The following TAFA1 variants were observed in gnomAD, a reference collection of about 807,000 sequenced individuals.
The protein encoded by TAFA1 is chemokine-like protein TAFA-1.
Under a neutral mutation model 18.5 loss-of-function variants are expected in TAFA1, and 4 were observed. That is an observed-to-expected ratio of 0.22 (90% CI 0.11 to 0.49). TAFA1 has a LOEUF of 0.49. TAFA1 is among the 20% of genes least tolerant of loss of function. The pLI is 0.98. For synonymous variants in TAFA1, 56 were observed against 55.2 expected (o/e 1.01, Z -0.06); for missense variants, 147 against 169.0 (o/e 0.87, Z 0.72).
chr3:68,083,962 T>C (rs1208988801), intron 2 of TAFA1, among the ~76,000 whole-genome samples: 1 of 152,222 alleles, frequency 6.6e-6, no homozygotes, highest in Non-Finnish European at 1.5e-5. Context: ...CAAAGACTCT[T>C]CTTTCCATAT....
rs188784908 is a variant in TAFA1 at position 68,175,472 on chromosome 3, G to T, written c.118+168728G>T. On this transcript the variant is annotated intron_variant, in intron 2 of 4. Transcript: ENST00000478136. Reference sequence around the variant, plus strand: ...CTATGGGAACCCACCTCTTGCATCAGTGTGACCTGCATGTGAGACATGGAT... The same window carrying T: ...CTATGGGAACCCACCTCTTGCATCATTGTGACCTGCATGTGAGACATGGAT... Among the ~76,000 whole-genome samples the T allele has an allele frequency of 1.8e-4, 27 of 152,330 alleles. 1 individual carries two copies. The highest frequency in any genetic ancestry group is 6.0e-4 in the African/African-American group (25 of 41,592).
At chr3:68,471,553 G>A (rs750725817) in intron 3 of TAFA1, among the ~76,000 whole-genome samples, 4 of 152,150 alleles carry the variant, frequency 2.6e-5, no homozygotes, top group East Asian at 1.9e-4. Context: ...GGAGTCCGAC[G>A]TTCAAGGGCA....
chr3:68,313,852 T>C (rs999229213), intron 2 of TAFA1, among the ~76,000 whole-genome samples: 1 of 152,222 alleles, frequency 6.6e-6, no homozygotes, highest in African/African-American at 2.4e-5. Context: ...TCAATTTCCA[T>C]AGAAGCTAGA....
intron 2 of TAFA1, among the ~76,000 whole-genome samples, chr3:68,254,236 C>G (rs974849578): frequency 1.3e-5 from 2 of 151,874 alleles, no homozygotes; most frequent in Admixed American, 6.6e-5. Flanking sequence ...GGGCATTGGT[C>G]TTCAACATGG....
chr3:68,334,313 A>G (rs2068934159), intron 2 of TAFA1, among the ~76,000 whole-genome samples: 1 of 152,196 alleles, frequency 6.6e-6, no homozygotes. Flanking sequence ...CATTCATTCT[A>G]TTAGGCATAG....
At chr3:68,086,322 A>T (rs892423957) in intron 2 of TAFA1, among the ~76,000 whole-genome samples, 1 of 152,224 alleles carries the variant, frequency 6.6e-6, no homozygotes, top group Non-Finnish European at 1.5e-5. Context: ...TGTAGAATAC[A>T]GGGTATCTTT....
At chr3:68,318,712 G>T (rs535517515) in intron 2 of TAFA1, among the ~76,000 whole-genome samples, 92 of 152,266 alleles carry the variant, frequency 6.0e-4, no homozygotes, top group Admixed American at 6.0e-3. Context: ...AGAAAGTTAA[G>T]TTACATGAAA....
chr3:68,459,854 T>G (rs950049383), intron 3 of TAFA1, among the ~76,000 whole-genome samples: 1 of 152,204 alleles, frequency 6.6e-6, no homozygotes, highest in Non-Finnish European at 1.5e-5. Context: ...TACCTGAAGC[T>G]CTAGAAACTA....
chr3:68,248,621 C>A lies in TAFA1; in HGVS notation c.119-168659C>A, dbSNP rs758189602. Among the ~76,000 whole-genome samples, 126 of 151,516 alleles carry A rather than the reference C, an allele frequency of 8.3e-4. 1 individual carries two copies. Among genetic ancestry groups the A allele is most frequent in the Admixed American group, 1.7e-3 (26 of 15,216 alleles). On this transcript the variant is annotated intron_variant, in intron 2 of 4. Transcript: ENST00000478136. ...AGAATGACTCTGTATGGCAGATGCA[C>A]CTGAATGTGTGTTCAGAGCTGGGGA...
chr3:68,263,460 C>CACACACACAT (rs2067478175), intron 2 of TAFA1, among the ~76,000 whole-genome samples: 1 of 151,332 alleles, frequency 6.6e-6, no homozygotes, highest in Admixed American at 6.6e-5. Context: ...CACACACACA[C>CACACACACAT]ACACACACAC....
intron 4 of TAFA1, among the ~76,000 whole-genome samples, chr3:68,541,788 C>G (rs894527200): frequency 6.6e-6 from 1 of 152,172 alleles, no homozygotes; most frequent in Non-Finnish European, 1.5e-5. Context: ...ACTTCATTCT[C>G]TTTCCTATAA....
At chr3:68,085,026 G>C (rs893985297) in intron 2 of TAFA1, among the ~76,000 whole-genome samples, 1 of 152,092 alleles carries the variant, frequency 6.6e-6, no homozygotes, top group Non-Finnish European at 1.5e-5. Context: ...CCATGCATCA[G>C]TAGCACACTA....
intron 2 of TAFA1, among the ~76,000 whole-genome samples, chr3:68,339,462 C>A (rs879217061): frequency 6.6e-6 from 1 of 152,086 alleles, no homozygotes; most frequent in Non-Finnish European, 1.5e-5. Flanking sequence ...GAGAGAAAGA[C>A]AAAGTTAAGG....
intron 2 of TAFA1, among the ~76,000 whole-genome samples, chr3:68,031,625 C>T (rs1040203693): frequency 6.6e-6 from 1 of 152,052 alleles, no homozygotes; most frequent in African/African-American, 2.4e-5. Context: ...TCCTATGTGG[C>T]AGGCTTGCCA....
At chr3:68,318,683 A>G (rs1256715712) in intron 2 of TAFA1, among the ~76,000 whole-genome samples, 2 of 152,250 alleles carry the variant, frequency 1.3e-5, no homozygotes, top group African/African-American at 4.8e-5. Context: ...AGAAGAGGAT[A>G]AATCTCTTAT....
chr3:68,540,102 C>T (rs781151630), intron 4 of TAFA1, among the ~76,000 whole-genome samples: 2 of 152,056 alleles, frequency 1.3e-5, no homozygotes, highest in African/African-American at 2.4e-5. Flanking sequence ...TTGGTTCTTT[C>T]GTCTTTGTGA....
At chr3:68,159,679 A>G (rs1310669388) in intron 2 of TAFA1, among the ~76,000 whole-genome samples, 2 of 152,126 alleles carry the variant, frequency 1.3e-5, no homozygotes, top group African/African-American at 4.8e-5. Flanking sequence ...TTGCCTCAAG[A>G]GATAACAGTT....
At chr3:68,145,779 A>T (rs1408577148) in intron 2 of TAFA1, 6 of 567,028 alleles carry the variant, frequency 1.1e-5, no homozygotes, top group Non-Finnish European at 1.9e-5. Flanking sequence ...GAATAAAAAG[A>T]AAAAAGATGC....
chr3:68,491,687 TAATA>T (rs893138887), intron 3 of TAFA1, among the ~76,000 whole-genome samples: 9 of 151,740 alleles, frequency 5.9e-5, no homozygotes, highest in African/African-American at 1.5e-4. Context: ...ACTTAAAGTA[TAATA>T]AATAAATAAA....
Sources: gnomAD v4.1 joint callset for allele counts (sites outside exome capture counted in the v4.1 genomes callset) on GRCh38, gnomAD v4.1.1 for gene constraint, MANE v1.5 for transcripts, NCBI Gene and HGNC (gene_info 2026-07-23, HGNC 2026-07-21) for gene names.